Variants in CERS6 observed in about 807,000 individuals in gnomAD.
CERS6 encodes ceramide synthase 6.
In CERS6, 26 loss-of-function variants were observed where a neutral mutation model predicts 56.8. The ratio of observed to expected loss-of-function variants is 0.46; its 90% confidence interval spans 0.34 to 0.63. The LOEUF (loss-of-function observed/expected upper bound fraction) is 0.63, where lower values mean the gene tolerates loss of function less well. CERS6 is among the 30% of genes least tolerant of loss of function. CERS6 has a pLI of 0.01. For missense variants in CERS6, 415 were observed against 467.5 expected (o/e 0.89, Z 1.04); for synonymous variants, 164 against 173.3 (o/e 0.95, Z 0.42).
At chr2:168,623,432 C>T (rs941833359) in intron 3 of CERS6, among the ~76,000 whole-genome samples, 2 of 151,846 alleles carry the variant, frequency 1.3e-5, no homozygotes, top group Non-Finnish European at 2.9e-5. Flanking sequence ...ACATTCACAT[C>T]ATACAATTTT....
chr2:168,657,060 C>T (rs1024920175), intron 4 of CERS6, among the ~76,000 whole-genome samples: 12 of 151,850 alleles, frequency 7.9e-5, no homozygotes, highest in Admixed American at 3.9e-4. Context: ...TACAGAGTGC[C>T]GATTGGTGTA....
At chr2:168,751,538 A>G (rs1345817614) in intron 8 of CERS6, among the ~76,000 whole-genome samples, 1 of 151,886 alleles carries the variant, frequency 6.6e-6, no homozygotes, top group African/African-American at 2.4e-5. Flanking sequence ...TTTTTTTTAA[A>G]GAGCAGCTGT....
chr2:168,633,098 T>G (rs1684784677), intron 4 of CERS6, among the ~76,000 whole-genome samples: 1 of 152,010 alleles, frequency 6.6e-6, no homozygotes, highest in Non-Finnish European at 1.5e-5. Flanking sequence ...TGGAAATTAT[T>G]TTTTCTTAAA....
intron 1 of CERS6, among the ~76,000 whole-genome samples, chr2:168,523,424 T>C (rs1015718136): frequency 6.6e-6 from 1 of 152,152 alleles, no homozygotes; most frequent in Admixed American, 6.5e-5. Flanking sequence ...TTCATGATTG[T>C]CTGAGATGAA....
At chr2:168,733,014 A>G (rs1039127733) in intron 8 of CERS6, among the ~76,000 whole-genome samples, 2 of 152,166 alleles carry the variant, frequency 1.3e-5, no homozygotes, top group African/African-American at 4.8e-5. Context: ...AATATGATCT[A>G]CATCAGATAA....
At chr2:168,608,030 A>G (rs1684095728) in intron 3 of CERS6, among the ~76,000 whole-genome samples, 1 of 152,240 alleles carries the variant, frequency 6.6e-6, no homozygotes, top group African/African-American at 2.4e-5. Context: ...AACTGTGGAC[A>G]GGCCATATGC....
At chr2:168,561,385 AAAAT>A in intron 3 of CERS6, 63 bp downstream of exon 3, 1 of 1,594,500 alleles carries the variant, frequency 6.3e-7, no homozygotes, top group African/African-American at 1.3e-5. Context: ...CCTGAGGTGA[AAAAT>A]AAAAGATCTG....
intron 1 of CERS6, among the ~76,000 whole-genome samples, chr2:168,473,258 TTTAAG>T (rs1462068928): frequency 2.0e-5 from 3 of 152,144 alleles, no homozygotes; most frequent in African/African-American, 4.8e-5. Flanking sequence ...CTCATGTTTG[TTTAAG>T]TTTTTTCTTT....
At chr2:168,619,301 A>G (rs1684404123) in intron 3 of CERS6, among the ~76,000 whole-genome samples, 1 of 152,228 alleles carries the variant, frequency 6.6e-6, no homozygotes, top group African/African-American at 2.4e-5. Context: ...TGGCTTAAGC[A>G]AGTTTTTCAT....
chr2:168,751,874 C>T (rs969433846), intron 8 of CERS6, among the ~76,000 whole-genome samples: 4 of 152,212 alleles, frequency 2.6e-5, no homozygotes, highest in African/African-American at 9.7e-5. Context: ...ATACCCTTTG[C>T]TTTCCGGCCT....
intron 1 of CERS6, among the ~76,000 whole-genome samples, chr2:168,497,257 T>G (rs1434240445): frequency 6.6e-6 from 1 of 152,188 alleles, no homozygotes; most frequent in East Asian, 1.9e-4. Context: ...CTAGAAGGAA[T>G]TAACTTGGAT....
At chr2:168,538,893 C>T (rs1013748003) in intron 1 of CERS6, among the ~76,000 whole-genome samples, 9 of 152,210 alleles carry the variant, frequency 5.9e-5, no homozygotes, top group Middle Eastern at 3.4e-3. Flanking sequence ...AGTGTATGAC[C>T]GTATCACAAG....
At chr2:168,506,816 C>T (rs985429737) in intron 1 of CERS6, among the ~76,000 whole-genome samples, 3 of 152,052 alleles carry the variant, frequency 2.0e-5, no homozygotes, top group African/African-American at 7.2e-5. Context: ...ATTAAATGTT[C>T]GTGGCTTAAA....
At chr2:168,524,350 G>C (rs1399024300) in intron 1 of CERS6, among the ~76,000 whole-genome samples, 1 of 152,150 alleles carries the variant, frequency 6.6e-6, no homozygotes, top group Non-Finnish European at 1.5e-5. Context: ...AGAAGTCATT[G>C]AGCTAATTTT....
intron 4 of CERS6, among the ~76,000 whole-genome samples, chr2:168,678,933 C>T (rs756714669): frequency 5.9e-5 from 9 of 152,158 alleles, no homozygotes; most frequent in African/African-American, 9.7e-5. Flanking sequence ...GAATTAACCT[C>T]AGTGTCCATT....
At chr2:168,769,207 A>G (rs576716076) in intron 9 of CERS6, among the ~76,000 whole-genome samples, 1 of 152,332 alleles carries the variant, frequency 6.6e-6, no homozygotes, top group South Asian at 2.1e-4. Context: ...GTGACACAGT[A>G]TGCTACTTTT....
intron 3 of CERS6, among the ~76,000 whole-genome samples, chr2:168,600,395 G>C (rs911416566): frequency 6.6e-6 from 1 of 151,904 alleles, no homozygotes; most frequent in Non-Finnish European, 1.5e-5. Context: ...TAGTAGAGAC[G>C]GGGTTTCACC....
chr2:168,584,530 A>T (rs1473276523), intron 3 of CERS6, among the ~76,000 whole-genome samples: 1 of 152,198 alleles, frequency 6.6e-6, no homozygotes, highest in African/African-American at 2.4e-5. Flanking sequence ...AAATTTGGCC[A>T]CACATTCCCT....
rs1685151329 is a variant in CERS6, at chr2:168,645,117, AT to A, written c.465+14076del. ...AAAAAAAAAAAAAAAAAAAAAAAAA[AT>A]ATATATATATATATATATATATATA... On this transcript the variant is annotated intron_variant, in intron 4 of 9. Coordinates refer to ENST00000305747, the MANE Select transcript of CERS6 (RefSeq NM_203463.3). Among the ~76,000 whole-genome samples, 13 of 13,364 alleles carry A rather than the reference AT, an allele frequency of 9.7e-4. 3 individuals are homozygous for A. Among genetic ancestry groups the A allele is most frequent in the Admixed American group, 1.9e-3 (2 of 1,046 alleles). The allele number at this position is 13,364 out of a possible 152,430, so 8.8% of individuals were successfully genotyped here. A position where few individuals can be genotyped will look rare whatever the true frequency, so the allele number is the denominator to read the frequency against.
Sources: allele counts gnomAD v4.1 joint callset (sites outside exome capture counted in the v4.1 genomes callset), GRCh38; gene constraint gnomAD v4.1.1; transcripts MANE v1.5; gene names NCBI Gene and HGNC (gene_info 2026-07-23, HGNC 2026-07-21).